Variants in FGF12 observed in about 807,000 individuals in gnomAD.
FGF12 encodes fibroblast growth factor 12B.
In FGF12, 14 loss-of-function variants were observed where a neutral mutation model predicts 23.6. The ratio of observed to expected loss-of-function variants is 0.59; its 90% CI spans 0.39 to 0.93. The LOEUF is 0.93. Among genes scored for constraint, FGF12 ranks in the 40% least tolerant of loss-of-function variants. The pLI, the probability that FGF12 is intolerant of heterozygous loss-of-function variation, is 0.00. For synonymous variants in FGF12, 62 were observed against 77.3 expected (o/e 0.80, Z 1.04); for missense variants, 175 against 217.8 (o/e 0.80, Z 1.24).
chr3:192,419,707 G>C (rs1721461707), intron 2 of FGF12, among the ~76,000 whole-genome samples: 1 of 152,100 alleles, frequency 6.6e-6, no homozygotes, highest in East Asian at 1.9e-4. Context: ...ACATAAAAAA[G>C]GGAAAATAAG....
At chr3:192,340,455 A>T (rs1191146063) in intron 3 of FGF12, among the ~76,000 whole-genome samples, 1 of 152,184 alleles carries the variant, frequency 6.6e-6, no homozygotes, top group Non-Finnish European at 1.5e-5. Context: ...GTATATTAGC[A>T]ATCCCAGTAA....
chr3:192,528,565 C>T (rs1044763322), intron 2 of FGF12, among the ~76,000 whole-genome samples: 1 of 152,194 alleles, frequency 6.6e-6, no homozygotes, highest in Non-Finnish European at 1.5e-5. Context: ...CTCTACTAGA[C>T]AGTGCCCCAG....
intron 2 of FGF12, among the ~76,000 whole-genome samples, chr3:192,701,707 T>C (rs1309199131): frequency 6.6e-6 from 1 of 152,130 alleles, no homozygotes; most frequent in Admixed American, 6.5e-5. Flanking sequence ...ATGAAAATAA[T>C]TTTATTTTAT....
chr3:192,628,507 ATT>A (rs1195941719), intron 2 of FGF12, among the ~76,000 whole-genome samples: 1 of 71,446 alleles, frequency 1.4e-5, no homozygotes, highest in East Asian at 4.7e-4. Context: ...GTATATATAT[ATT>A]AGTGTGTGTG....
chr3:192,280,930 T>C (rs1189771936), intron 4 of FGF12, among the ~76,000 whole-genome samples: 1 of 152,218 alleles, frequency 6.6e-6, no homozygotes, highest in African/African-American at 2.4e-5. Flanking sequence ...TTATTTATTC[T>C]TGAAAATTCT....
At chr3:192,303,525 G>A (rs1715457164) in intron 4 of FGF12, among the ~76,000 whole-genome samples, 1 of 152,194 alleles carries the variant, frequency 6.6e-6, no homozygotes, top group Non-Finnish European at 1.5e-5. Flanking sequence ...AGACTGTATA[G>A]TGCACAAGAT....
intron 2 of FGF12, among the ~76,000 whole-genome samples, chr3:192,483,630 GAGA>G (rs1723542489): frequency 6.6e-6 from 1 of 152,142 alleles, no homozygotes; most frequent in African/African-American, 2.4e-5. Flanking sequence ...GTGTAAATGA[GAGA>G]AGAATTCAAA....
At chr3:192,225,734 T>C in intron 4 of FGF12, among the ~76,000 whole-genome samples, 1 of 152,128 alleles carries the variant, frequency 6.6e-6, no homozygotes, top group Admixed American at 6.6e-5. Context: ...AACTAATTAA[T>C]GAATAAAATG....
intron 4 of FGF12, among the ~76,000 whole-genome samples, chr3:192,249,938 A>G (rs568266697): frequency 6.6e-6 from 1 of 152,288 alleles, no homozygotes; most frequent in African/African-American, 2.4e-5. Flanking sequence ...ACACTACAAC[A>G]AAAAGCAACG....
At chr3:192,393,464 A>G (rs1386063660) in intron 2 of FGF12, among the ~76,000 whole-genome samples, 2 of 152,214 alleles carry the variant, frequency 1.3e-5, no homozygotes, top group African/African-American at 4.8e-5. Context: ...AAAAAGAAAA[A>G]GCCCTTCTCA....
intron 2 of FGF12, among the ~76,000 whole-genome samples, chr3:192,567,735 C>CTT (rs999075869): frequency 4.8e-5 from 6 of 126,056 alleles, no homozygotes; most frequent in Admixed American, 3.3e-4. Context: ...CTCCATGTGT[C>CTT]TCTTTCTTTC....
intron 2 of FGF12, among the ~76,000 whole-genome samples, chr3:192,571,650 G>A (rs1035425031): frequency 2.6e-5 from 4 of 152,192 alleles, no homozygotes; most frequent in Non-Finnish European, 2.9e-5. Context: ...AATCTGTCCT[G>A]TGTCAAGGTT....
chr3:192,362,136 G>A (rs1718757305), intron 2 of FGF12, among the ~76,000 whole-genome samples: 1 of 152,086 alleles, frequency 6.6e-6, no homozygotes, highest in Non-Finnish European at 1.5e-5. Context: ...TAGAAGAATG[G>A]ATTTGTCTTC....
chr3:192,657,100 T>C (rs1716456806), intron 2 of FGF12, among the ~76,000 whole-genome samples: 1 of 114,594 alleles, frequency 8.7e-6, no homozygotes, highest in African/African-American at 2.9e-5. Context: ...CTCTGCTGAG[T>C]TGAGGTTTTT....
chr3:192,437,418 C>T (rs1002824341), intron 2 of FGF12, among the ~76,000 whole-genome samples: 8 of 152,092 alleles, frequency 5.3e-5, no homozygotes, highest in Non-Finnish European at 1.2e-4. Context: ...ACTGGCCAGG[C>T]GCCGTGGCTC....
intron 2 of FGF12, among the ~76,000 whole-genome samples, chr3:192,457,842 T>C (rs1722727361): frequency 6.6e-6 from 1 of 152,178 alleles, no homozygotes; most frequent in Non-Finnish European, 1.5e-5. Flanking sequence ...AGATCTTCAC[T>C]GCAGCCCCTC....
At chr3:192,687,276 G>C (rs946298788) in intron 2 of FGF12, among the ~76,000 whole-genome samples, 5 of 151,986 alleles carry the variant, frequency 3.3e-5, no homozygotes, top group Admixed American at 3.3e-4. Context: ...GTAGCATTCT[G>C]GGGAGTGATG....
intron 2 of FGF12, among the ~76,000 whole-genome samples, chr3:192,401,330 AT>A (rs1720751481): frequency 6.6e-6 from 1 of 152,214 alleles, no homozygotes; most frequent in African/African-American, 2.4e-5. Context: ...AAGGGAGGAA[AT>A]TTTTAGTACC....
chr3:192,541,608 C>T (rs1325332821), intron 2 of FGF12, among the ~76,000 whole-genome samples: 2 of 152,070 alleles, frequency 1.3e-5, no homozygotes, highest in Admixed American at 1.3e-4. Flanking sequence ...TGTATACTTA[C>T]TATTACCAGT....
Sources: gnomAD v4.1 joint callset for allele counts (sites outside exome capture counted in the v4.1 genomes callset) on GRCh38, gnomAD v4.1.1 for gene constraint, MANE v1.5 for transcripts, NCBI Gene and HGNC (gene_info 2026-07-23, HGNC 2026-07-21) for gene names.